PLPP6: variants seen among roughly 807,000 people sequenced by gnomAD.
PLPP6 encodes the protein phospholipid phosphatase 6.
A neutral mutation model predicts 16.5 loss-of-function variants in PLPP6; 16 were observed. That is an observed-to-expected ratio of 0.97 (90% CI 0.66 to 1.47). PLPP6 has a LOEUF of 1.47. Ranked by LOEUF, PLPP6 falls within the 40% of genes most tolerant of loss-of-function variation. The probability of loss-of-function intolerance (pLI) is 0.00; values close to 1 mark genes in which losing one functional copy is unlikely to be tolerated. For synonymous variants in PLPP6, 226 were observed against 188.1 expected (o/e 1.20, Z -1.65); for missense variants, 512 against 396.6 (o/e 1.29, Z -2.47).
At position 4,662,731 on chromosome 9, in the gene PLPP6, T is replaced by G. The variant is rs754070986; in HGVS notation, c.356T>G (p.Val119Gly). The G allele has an allele frequency of 6.2e-7, 1 of 1,602,564 alleles. No homozygotes were observed. The change falls in exon 1 of 1, where the codon GTG (valine) becomes GGG (glycine). Residue 119 changes from valine to glycine, a missense_variant. Val to Gly is a moderately radical substitution (Grantham distance 109). Transcript: ENST00000381883. This position sits in a 1 kb window ranked among gnomAD's most constrained non-coding sequence, Gnocchi z 4.9. The part of the protein sequence containing the change: ...IDLWLSKKLG[V>G]CAGESSSWGS... ...CTGTGGCTGTCCAAGAAGCTGGGGG[T>G]GTGCGCGGGAGAGAGCTCGTCGTGG...
Position 4,662,525 on chromosome 9 carries a change from C to T in PLPP6, c.150C>T (p.Ala50=), listed in dbSNP as rs767253868. Residue 50 remains alanine (A), a synonymous_variant, in exon 1 of 1, where the codon GCC becomes GCT. Transcript: ENST00000381883. This position sits in a 1 kb window ranked among gnomAD's most constrained non-coding sequence, Gnocchi z 4.9. ...FQSLLSSRAT[A]VDPTCARLRA... ...CCCTGCTCAGCAGCCGCGCCACGGCCGTGGACCCCACCTGCGCCCGGCTCC... is the reference window on the plus strand; with the variant it reads ...CCCTGCTCAGCAGCCGCGCCACGGCTGTGGACCCCACCTGCGCCCGGCTCC... 4 of 1,564,898 alleles carry T rather than the reference C, an allele frequency of 2.6e-6. No homozygotes were observed. Among genetic ancestry groups the T allele is most frequent in the Admixed American group, 1.8e-5 (1 of 55,366 alleles).
Position 4,662,557 on chromosome 9 carries a change from C to A in PLPP6, c.182C>A (p.Ser61Ter). The change falls in exon 1 of 1, where the codon TCG becomes TAG. Residue 61 changes from serine to a stop codon, truncating the protein, a stop_gained. Coordinates refer to ENST00000381883, the MANE Select transcript of PLPP6 (RefSeq NM_203453.5). LOFTEE classifies it high-confidence loss of function. The surrounding 1 kb of genome is among the most constrained non-coding windows in gnomAD (Gnocchi z 4.9). Reference protein sequence around the residue: ...VDPTCARLRASESPVHRRGSF... With the variant: ...VDPTCARLRA ...CCCACCTGCGCCCGGCTCCGTGCATCGGAGAGCCCAGTTCACCGCCGCGGC... is the reference window on the plus strand; with the variant it reads ...CCCACCTGCGCCCGGCTCCGTGCATAGGAGAGCCCAGTTCACCGCCGCGGC... The A allele has an allele frequency of 6.3e-7, 1 of 1,579,102 alleles. No homozygotes were observed.
Position 4,662,365 on chromosome 9 carries a change from C to G in PLPP6, c.-11C>G, listed in dbSNP as rs71496487. On this transcript the variant is annotated 5_prime_UTR_variant, in exon 1 of 1. Coordinates refer to ENST00000381883, the MANE Select transcript of PLPP6 (RefSeq NM_203453.5). The surrounding 1 kb of genome is among the most constrained non-coding windows in gnomAD (Gnocchi z 4.9). ...TCCGGCCAGGTCCCGGGATCCGGGC[C>G]GCCAGCTGCGATGCCAAGTCCCCGG... The G allele has an allele frequency of 7.3e-6, 11 of 1,497,238 alleles. No individual in the cohort carries two copies. Among genetic ancestry groups the G allele is most frequent in the South Asian group, 3.9e-5 (3 of 77,592 alleles). The allele number at this position is 1,497,238 out of a possible 1,614,324, so 92.7% of individuals were successfully genotyped here. A position where few individuals can be genotyped will look rare whatever the true frequency, so the allele number is the denominator to read the frequency against.
chr9:4,663,319 G>T lies in PLPP6; in HGVS notation c.*56G>T. ...TCTGAAGGTTTCCACATTCGATGAT[G>T]TCAACCTAAACCAGCAGCCATCCCG... On this transcript the variant is annotated 3_prime_UTR_variant, in exon 1 of 1. Coordinates refer to ENST00000381883, the MANE Select transcript of PLPP6 (RefSeq NM_203453.5). 2 of 1,549,586 alleles carry T rather than the reference G, an allele frequency of 1.3e-6. No individual in the cohort carries two copies. The highest frequency in any genetic ancestry group is 1.8e-6 in the Non-Finnish European group (2 of 1,136,480).
At position 4,664,587 on chromosome 9, in the gene PLPP6, G is replaced by A. The variant is rs1246739431; in HGVS notation, c.*1324G>A. The A allele has an allele frequency of 6.0e-6, 1 of 167,056 alleles. No homozygotes were observed. The highest frequency in any genetic ancestry group is 1.9e-4 in the East Asian group (1 of 5,204). 10.3% of individuals were successfully genotyped at this position (167,056 alleles called of 1,614,324 possible). ...CATTATTCTTTGACCCAGAAAGACTGGAGAAGGTATGTGCTTTAAGTGCTG... is the reference window on the plus strand; with the variant it reads ...CATTATTCTTTGACCCAGAAAGACTAGAGAAGGTATGTGCTTTAAGTGCTG... On this transcript the variant is annotated 3_prime_UTR_variant, in exon 1 of 1. Transcript: ENST00000381883.
Sources: gnomAD v4.1 joint callset for allele counts on GRCh38, gnomAD v4.1.1 for gene constraint, Gnocchi (gnomAD v3.1) non-coding constraint, MANE v1.5 for transcripts, NCBI Gene and HGNC (gene_info 2026-07-23, HGNC 2026-07-21) for gene names.